DHX35: variants seen among roughly 807,000 people sequenced by gnomAD.
The protein encoded by DHX35 is probable ATP-dependent RNA helicase DHX35.
In DHX35, 84 loss-of-function variants were observed where a neutral mutation model predicts 99.6. The ratio of observed to expected loss-of-function variants is 0.84; its 90% confidence interval spans 0.71 to 1.01. DHX35 has a LOEUF of 1.01. Among genes scored for constraint, DHX35 ranks in the 50% least tolerant of loss-of-function variants. DHX35 has a pLI of 0.00. For missense variants in DHX35, 852 were observed against 888.5 expected (o/e 0.96, Z 0.52); for synonymous variants, 331 against 316.2 (o/e 1.05, Z -0.50).
chr20:38,989,000 C>A, intron 5 of DHX35, 83 bp downstream of exon 5: 1 of 1,462,888 alleles, frequency 6.8e-7, no homozygotes, highest in Non-Finnish European at 9.3e-7. Flanking sequence ...GTCCTTGCTG[C>A]TGTACAGGAC....
At chr20:39,030,683 A>G (rs746213289) in intron 19 of DHX35, 21 bp from the exon 20 acceptor site, 2 of 1,612,516 alleles carry the variant, frequency 1.2e-6, no homozygotes, top group South Asian at 2.2e-5. Flanking sequence ...TGCTTCAGAC[A>G]AAATTCTTCT....
intron 6 of DHX35, 105 bp downstream of exon 6, chr20:38,991,620 C>A (rs376300760): frequency 2.4e-5 from 23 of 959,536 alleles, no homozygotes; most frequent in African/African-American, 2.3e-4. Context: ...GTTCAGCTGC[C>A]CCAAAGCTTT....
Position 39,018,836 on chromosome 20 carries a change from C to T in DHX35, c.1435C>T (p.Leu479Phe), listed in dbSNP as rs766002031. Residue 479 changes from leucine (L) to phenylalanine (F), a missense_variant, in exon 15 of 22, where the codon CTT (leucine) becomes TTT (phenylalanine). Leu to Phe is a conservative substitution (Grantham distance 22, BLOSUM62 0). Coordinates refer to ENST00000252011, the MANE Select transcript of DHX35 (RefSeq NM_021931.4). ...LDKDCRLTEPLGMRIAEFPLN... is the reference protein window; with the variant it reads ...LDKDCRLTEPFGMRIAEFPLN... ...CAAAGACTGTCGCCTAACTGAACCG[C>T]TTGGCATGAGAATTGCAGAGTTTCC... is the stretch of plus-strand genomic sequence containing the variant. 1.9e-6 allele frequency: 3 copies of T among 1,614,014 alleles called. No homozygotes were observed. Among genetic ancestry groups the T allele is most frequent in the Admixed American group, 1.7e-5 (1 of 60,014 alleles).
intron 2 of DHX35, among the ~76,000 whole-genome samples, chr20:38,971,884 C>T (rs1373453821): frequency 6.6e-6 from 1 of 151,046 alleles, no homozygotes; most frequent in Non-Finnish European, 1.5e-5. Context: ...AACATTTAGG[C>T]TGTTTGAATT....
intron 3 of DHX35, among the ~76,000 whole-genome samples, chr20:38,980,652 A>G (rs900032767): frequency 2.0e-5 from 3 of 151,978 alleles, no homozygotes; most frequent in Non-Finnish European, 4.4e-5. Flanking sequence ...GTCATTTTCT[A>G]AACTTTATTT....
intron 19 of DHX35, 177 bp from the exon 20 acceptor site, chr20:39,030,527 C>A: frequency 1.7e-6 from 1 of 593,060 alleles, no homozygotes; most frequent in South Asian, 2.1e-5. Flanking sequence ...TTCTTGACTT[C>A]TGGGGTGGCA....
At position 39,014,897 on chromosome 20, in the gene DHX35, G is replaced by A. The variant is rs185856978; in HGVS notation, c.1365G>A (p.Ser455=). ...TTTTCCAGCCCCCTCCAGCACAGTC[G>A]ATGGTTCAAGCCTTGGAGTTACTGT... ...FHFMSPPPAQ[S]MVQALELLYA... Residue 455 remains serine, a synonymous_variant, in exon 14 of 22, where the codon TCG becomes TCA. Coordinates refer to ENST00000252011, the MANE Select transcript of DHX35 (RefSeq NM_021931.4). 36 of 1,614,020 alleles carry A rather than the reference G, an allele frequency of 2.2e-5. No individual in the cohort carries two copies. The highest frequency in any genetic ancestry group is 3.3e-5 in the Admixed American group (2 of 60,006).
chr20:39,022,366 C>G (rs987113745), intron 16 of DHX35, among the ~76,000 whole-genome samples: 1 of 152,116 alleles, frequency 6.6e-6, no homozygotes, highest in Non-Finnish European at 1.5e-5. Flanking sequence ...ACCATATTGG[C>G]CAGGCCGGTC....
chr20:39,021,951 C>A lies in DHX35; in HGVS notation c.1593+16C>A, dbSNP rs745438890. 2.5e-6 allele frequency: 4 copies of A among 1,612,266 alleles called. No individual in the cohort carries two copies. Among genetic ancestry groups the A allele is most frequent in the South Asian group, 2.2e-5 (2 of 91,042 alleles). ...GTCTCACGCAGTAAGTCAGCTCTGT[C>A]CCCAGGCTGTCTGTACCAGTCTCTT... On this transcript the variant is annotated intron_variant, in intron 16 of 21. Transcript: ENST00000252011.
At chr20:39,022,998 C>T (rs994998995) in intron 16 of DHX35, among the ~76,000 whole-genome samples, 1 of 152,120 alleles carries the variant, frequency 6.6e-6, no homozygotes, top group Non-Finnish European at 1.5e-5. Context: ...TGGGATCCTC[C>T]TTGTCAGTTG....
chr20:39,005,454 C>T (rs571954736), intron 11 of DHX35, among the ~76,000 whole-genome samples: 1 of 152,334 alleles, frequency 6.6e-6, no homozygotes, highest in Admixed American at 6.5e-5. Flanking sequence ...AAATCTTTCA[C>T]AGAGGCTCTG....
intron 8 of DHX35, among the ~76,000 whole-genome samples, chr20:39,000,591 T>C (rs1019277409): frequency 6.6e-6 from 1 of 152,220 alleles, no homozygotes; most frequent in Non-Finnish European, 1.5e-5. Flanking sequence ...AACATCCCTG[T>C]ATTTTGTGGT....
At chr20:38,968,866 T>C (rs538237819) in intron 1 of DHX35, among the ~76,000 whole-genome samples, 1 of 152,224 alleles carries the variant, frequency 6.6e-6, no homozygotes, top group Non-Finnish European at 1.5e-5. Context: ...CTTGTTTGTT[T>C]TTGACACTGC....
At chr20:38,995,026 A>G (rs569523143) in intron 8 of DHX35, 146 bp downstream of exon 8, 6 of 646,528 alleles carry the variant, frequency 9.3e-6, no homozygotes, top group African/African-American at 7.3e-5. Context: ...GATTTCATAT[A>G]ATCAGAGGTT....
At chr20:39,023,356 A>ATTTC (rs569193312) in intron 16 of DHX35, among the ~76,000 whole-genome samples, 6 of 152,170 alleles carry the variant, frequency 3.9e-5, no homozygotes, top group African/African-American at 1.2e-4. Context: ...GCAAAAGTCA[A>ATTTC]TTTCTTTCTT....
intron 3 of DHX35, among the ~76,000 whole-genome samples, chr20:38,974,509 A>G (rs980525585): frequency 6.6e-6 from 1 of 152,234 alleles, no homozygotes; most frequent in East Asian, 1.9e-4. Flanking sequence ...ATAGAAAAGT[A>G]AAGATTGTTT....
intron 9 of DHX35, among the ~76,000 whole-genome samples, chr20:39,002,396 C>T (rs938989214): frequency 2.0e-5 from 3 of 152,156 alleles, no homozygotes; most frequent in Non-Finnish European, 2.9e-5. Context: ...GCCATCCAGC[C>T]GACCCATAGA....
At chr20:38,991,316 G>A in intron 5 of DHX35, 138 bp from the exon 6 acceptor site, 1 of 649,160 alleles carries the variant, frequency 1.5e-6, no homozygotes, top group Non-Finnish European at 2.5e-6. Flanking sequence ...ACGAAAATAT[G>A]GGGGCATTTT....
intron 1 of DHX35, 194 bp downstream of exon 1, chr20:38,962,601 C>G: frequency 3.1e-6 from 2 of 638,288 alleles, no homozygotes; most frequent in Non-Finnish European, 5.3e-6. Context: ...GCTCCCCTAG[C>G]GTGAGCAGAA....
Sources: allele counts gnomAD v4.1 joint callset (sites outside exome capture counted in the v4.1 genomes callset), GRCh38; gene constraint gnomAD v4.1.1; transcripts MANE v1.5; gene names NCBI Gene and HGNC (gene_info 2026-07-23, HGNC 2026-07-21).